DLC1: variants seen among roughly 807,000 people sequenced by gnomAD.
DLC1 encodes the protein rho GTPase-activating protein 7.
Under a neutral mutation model 140.3 loss-of-function variants are expected in DLC1, and 54 were observed. The ratio of observed to expected loss-of-function variants is 0.38; its 90% CI spans 0.31 to 0.48. The LOEUF is 0.48. Ranked by LOEUF, DLC1 falls within the 20% of genes least tolerant of loss-of-function variation. DLC1 has a pLI of 0.96. For missense variants in DLC1, 2,536 were observed against 1,907.0 expected, an observed-to-expected ratio of 1.33 and a Z score of -6.14; for synonymous variants, 986 against 728.1, an observed-to-expected ratio of 1.35 and a Z score of -5.70.
intron 2 of DLC1, among the ~76,000 whole-genome samples, chr8:13,443,577 TG>T (rs1448604304): frequency 1.4e-5 from 2 of 141,512 alleles, no homozygotes; most frequent in Non-Finnish European, 3.0e-5. Flanking sequence ...GAGAATGGCA[TG>T]AACCCAGAGG....
At chr8:13,466,710 A>G (rs891702789) in intron 2 of DLC1, among the ~76,000 whole-genome samples, 2 of 152,192 alleles carry the variant, frequency 1.3e-5, no homozygotes, top group African/African-American at 4.8e-5. Context: ...GGTAAAAAAT[A>G]TATCTCTTTC....
At chr8:13,423,789 TA>T (rs1300407157) in intron 2 of DLC1, among the ~76,000 whole-genome samples, 1 of 152,140 alleles carries the variant, frequency 6.6e-6, no homozygotes, top group African/African-American at 2.4e-5. Flanking sequence ...CCATTAGTAA[TA>T]AAATAATTCA....
At chr8:13,179,771 G>A (rs994488373) in intron 5 of DLC1, among the ~76,000 whole-genome samples, 1 of 151,836 alleles carries the variant, frequency 6.6e-6, no homozygotes, top group African/African-American at 2.4e-5. Flanking sequence ...AATTACCAGA[G>A]GCAGAGAAAG....
At chr8:13,088,400 A>T (rs1411794013) in intron 16 of DLC1, 87 bp downstream of exon 16, 2 of 1,448,902 alleles carry the variant, frequency 1.4e-6, no homozygotes, top group African/African-American at 2.8e-5. Context: ...TTAAATAATT[A>T]TACCATCTTG....
At chr8:13,341,323 G>C (rs931803753) in intron 4 of DLC1, 1 of 152,208 alleles carries the variant, frequency 6.6e-6, no homozygotes, top group East Asian at 1.9e-4. Context: ...ATGCAGCTAT[G>C]AGTGTCACTT....
rs145803907 is a variant in DLC1 at position 13,447,385 on chromosome 8, T to C, written c.1024-45766A>G. 6.6e-5 allele frequency among the ~76,000 whole-genome samples: 10 copies of C among 152,328 alleles called. No homozygotes were observed. The East Asian group carries it at 1.7e-3, about 26-fold the overall frequency. On this transcript the variant is annotated intron_variant, in intron 2 of 17. Coordinates refer to ENST00000276297, the MANE Select transcript of DLC1 (RefSeq NM_182643.3). ...TTGCGTGACATTGAGTAATACCTAT[T>C]TGGCATGAACCAGGTTTTGTTCAGG...
chr8:13,352,538 T>C (rs1834725234), intron 4 of DLC1, among the ~76,000 whole-genome samples: 2 of 151,978 alleles, frequency 1.3e-5, no homozygotes, highest in Admixed American at 1.3e-4. Flanking sequence ...TGCACCACCA[T>C]GCCTGACTCA....
intron 5 of DLC1, among the ~76,000 whole-genome samples, chr8:13,269,777 G>A (rs1830848268): frequency 6.6e-6 from 1 of 150,496 alleles, no homozygotes; most frequent in Non-Finnish European, 1.5e-5. Flanking sequence ...TAAAAACATG[G>A]CCAGGCGCAG....
At chr8:13,276,566 G>A (rs1831179149) in intron 5 of DLC1, 3 of 1,268,446 alleles carry the variant, frequency 2.4e-6, no homozygotes, top group African/African-American at 1.6e-5. Context: ...CTCCTGGCCC[G>A]CGGCCAAGCG....
At chr8:13,143,066 T>G (rs1487594359) in intron 5 of DLC1, among the ~76,000 whole-genome samples, 1 of 143,054 alleles carries the variant, frequency 7.0e-6, no homozygotes, top group African/African-American at 2.6e-5. Flanking sequence ...AAAGGCAGAA[T>G]TAGAGGGAGA....
intron 1 of DLC1, among the ~76,000 whole-genome samples, chr8:13,549,473 T>C (rs1228631285): frequency 1.3e-5 from 2 of 152,130 alleles, no homozygotes; most frequent in East Asian, 3.9e-4. Context: ...AATTACATTT[T>C]CACCATCTGT....
chr8:13,195,348 T>C (rs1471295562), intron 5 of DLC1, among the ~76,000 whole-genome samples: 1 of 152,192 alleles, frequency 6.6e-6, no homozygotes, highest in Non-Finnish European at 1.5e-5. Flanking sequence ...GATGAGCTGT[T>C]TCAATCAATC....
At chr8:13,570,717 C>A (rs1804623223) in intron 1 of DLC1, among the ~76,000 whole-genome samples, 1 of 151,946 alleles carries the variant, frequency 6.6e-6, no homozygotes, top group Non-Finnish European at 1.5e-5. Context: ...TGCGTTGGTT[C>A]TCTTAACTTC....
intron 5 of DLC1, among the ~76,000 whole-genome samples, chr8:13,228,164 C>G (rs1384479180): frequency 6.6e-6 from 1 of 151,918 alleles, no homozygotes; most frequent in Non-Finnish European, 1.5e-5. Flanking sequence ...ACTAACTAAG[C>G]TCTTGTTCTA....
intron 5 of DLC1, among the ~76,000 whole-genome samples, chr8:13,208,745 GACACACACACACACAC>G (rs56989279): frequency 6.8e-6 from 1 of 147,804 alleles, no homozygotes; most frequent in South Asian, 2.2e-4. Flanking sequence ...CATACACACA[GACACACACACACACAC>G]ACACACACAC....
chr8:13,184,758 G>A (rs567803437), intron 5 of DLC1, among the ~76,000 whole-genome samples: 2 of 152,282 alleles, frequency 1.3e-5, no homozygotes, highest in East Asian at 3.9e-4. Flanking sequence ...GTGATGCTGA[G>A]AAGAATGTAT....
At position 13,133,383 on chromosome 8, in the gene DLC1, C is replaced by G. The variant is rs907985969; in HGVS notation, c.1349-17726G>C. The G allele has an allele frequency of 9.5e-6, 9 of 951,014 alleles. No homozygotes were observed. The African/African-American group carries it at 1.6e-4, about 17-fold the overall frequency. The allele number at this position is 951,014 out of a possible 1,614,324, so 58.9% of individuals were successfully genotyped here. Reference sequence around the variant, plus strand: ...GGCGGCACCGCCTCCTCCCCGCTGTCTGGGTCGCAGGCCTTAGCGACGGGC... The same window carrying G: ...GGCGGCACCGCCTCCTCCCCGCTGTGTGGGTCGCAGGCCTTAGCGACGGGC... On this transcript the variant is annotated intron_variant, in intron 5 of 17. Transcript: ENST00000276297.
rs59772687 is a variant in DLC1, at chr8:13,181,335, C to CTT, written c.1349-65680_1349-65679dup. Among the ~76,000 whole-genome samples, 742 of 136,166 alleles carry CTT rather than the reference C, an allele frequency of 5.4e-3. 12 individuals are homozygous for CTT. Among genetic ancestry groups the CTT allele is most frequent in the African/African-American group, 0.019 (706 of 37,804 alleles). The allele number at this position is 136,166 out of a possible 152,430, so 89.3% of individuals were successfully genotyped here. On this transcript the variant is annotated intron_variant, in intron 5 of 17. Coordinates refer to ENST00000276297, the MANE Select transcript of DLC1 (RefSeq NM_182643.3). Reference sequence around the variant, plus strand: ...ATTTCTTTTTTTTTTTTCTTTCTTTCTTTTTTTTTTTTTAGTAATACTTTA... The same window carrying CTT: ...ATTTCTTTTTTTTTTTTCTTTCTTTCTTTTTTTTTTTTTTTAGTAATACTTTA...
At chr8:13,120,050 T>C (rs1022465625) in intron 5 of DLC1, among the ~76,000 whole-genome samples, 1 of 151,900 alleles carries the variant, frequency 6.6e-6, no homozygotes, top group African/African-American at 2.4e-5. Context: ...TTAAAAATAC[T>C]GTATGTAACA....
Sources: allele counts gnomAD v4.1 joint callset (sites outside exome capture counted in the v4.1 genomes callset), GRCh38; gene constraint gnomAD v4.1.1; transcripts MANE v1.5; gene names NCBI Gene and HGNC (gene_info 2026-07-23, HGNC 2026-07-21).